NOL9: variants seen among roughly 807,000 people sequenced by gnomAD.
NOL9 encodes nucleolar protein 9, also known as polynucleotide 5'-hydroxyl-kinase NOL9.
Under a neutral mutation model 67.9 loss-of-function variants are expected in NOL9, and 28 were observed. The observed-to-expected ratio is 0.41, with a 90% confidence interval of 0.31 to 0.57. The LOEUF is 0.57. NOL9 is among the 20% of genes least tolerant of loss of function. The pLI is 0.25. For synonymous variants in NOL9, 356 were observed against 352.2 expected, an observed-to-expected ratio of 1.01 and a Z score of -0.12; for missense variants, 777 against 897.0, an observed-to-expected ratio of 0.87 and a Z score of 1.71.
At position 6,532,764 on chromosome 1, in the gene NOL9, TG is replaced by T; in HGVS notation, c.1238-5del. On this transcript the variant is annotated splice_polypyrimidine_tract_variant and splice_region_variant and intron_variant, in intron 7 of 11. Transcript: ENST00000377705. ...ATGAGAAGCAGGAGCCCCTGGTCTG[TG>T]GGGAAGAGACATTAGCACAGCTGAT... 6.2e-7 allele frequency: 1 copy of T among 1,608,678 alleles called. No individual in the cohort carries two copies. The highest frequency in any genetic ancestry group is 8.5e-7 in the Non-Finnish European group (1 of 1,176,580).
Position 6,526,690 on chromosome 1 carries a change from G to A in NOL9, c.1959+6C>T. 1 of 1,608,842 alleles carries A rather than the reference G, an allele frequency of 6.2e-7. No individual in the cohort carries two copies. ...CTTCCAGGGCTGTGCCCGGGGGAAG[G>A]CTCACCTGGCACTTAAGGACACAAT... On this transcript the variant is annotated splice_donor_region_variant and intron_variant, in intron 11 of 11. Coordinates refer to ENST00000377705, the MANE Select transcript of NOL9 (RefSeq NM_024654.5).
intron 5 of NOL9, among the ~76,000 whole-genome samples, chr1:6,543,983 G>A (rs546599767): frequency 3.4e-4 from 52 of 152,184 alleles, no homozygotes; most frequent in Admixed American, 6.5e-4. Flanking sequence ...AAAATTAGCC[G>A]GGTATGGTGG....
chr1:6,546,748 G>GT (rs1471655933), intron 3 of NOL9, among the ~76,000 whole-genome samples: 1 of 152,066 alleles, frequency 6.6e-6, no homozygotes, highest in African/African-American at 2.4e-5. Flanking sequence ...GTTCCAGCAT[G>GT]TTTTTTTCAT....
chr1:6,550,167 G>A (rs1247267676), intron 2 of NOL9, among the ~76,000 whole-genome samples: 1 of 152,106 alleles, frequency 6.6e-6, no homozygotes, highest in Non-Finnish European at 1.5e-5. Flanking sequence ...GAGTAGCTGG[G>A]ACTACAGGCG....
Position 6,554,239 on chromosome 1 carries a change from G to A in NOL9, c.264C>T (p.Ser88=), listed in dbSNP as rs1639615450. 2 of 1,508,172 alleles carry A rather than the reference G, an allele frequency of 1.3e-6. No individual in the cohort carries two copies. Among genetic ancestry groups the A allele is most frequent in the African/African-American group, 1.4e-5 (1 of 69,126 alleles). 93.4% of individuals were successfully genotyped at this position (1,508,172 alleles called of 1,614,324 possible). Residue 88 remains serine, a synonymous_variant, in exon 1 of 12, where the codon AGC becomes AGT. Transcript: ENST00000377705. Reference sequence around the variant, plus strand: ...ACTCGGGTTCGGAGGCCGGGGTCGGGCTAGGGATCGGGCTGGGGGTCGCGG... The same window carrying A: ...ACTCGGGTTCGGAGGCCGGGGTCGGACTAGGGATCGGGCTGGGGGTCGCGG... ...PNTATPSPIP[S]PTPASEPESE...
At chr1:6,527,926 G>A (rs574517548) in intron 10 of NOL9, among the ~76,000 whole-genome samples, 30 of 151,940 alleles carry the variant, frequency 2.0e-4, no homozygotes, top group Non-Finnish European at 3.4e-4. Context: ...GCAAGACTCC[G>A]TCTCGGAAAA....
chr1:6,529,094 G>C lies in NOL9; in HGVS notation c.1725C>G (p.Ala575=). The change falls in exon 10 of 12, where the codon GCC becomes GCG. Residue 575 remains alanine (A), a synonymous_variant. Coordinates refer to ENST00000377705, the MANE Select transcript of NOL9 (RefSeq NM_024654.5). ...GGATCTTGCAAAGACCAACCCAGCTGGCGTTTACAGCATATAGTATATGGG... is the reference window on the plus strand; with the variant it reads ...GGATCTTGCAAAGACCAACCCAGCTCGCGTTTACAGCATATAGTATATGGG... ...APTHILYAVN[A]SWVGLCKIQD... 2 of 1,614,118 alleles carry C rather than the reference G, an allele frequency of 1.2e-6. No individual in the cohort carries two copies. Among genetic ancestry groups the C allele is most frequent in the Non-Finnish European group, 1.7e-6 (2 of 1,180,030 alleles).
rs1639074058 is a variant in NOL9 at position 6,533,228 on chromosome 1, C to T, written c.1237+52G>A. On this transcript the variant is annotated intron_variant, in intron 7 of 11. Coordinates refer to ENST00000377705, the MANE Select transcript of NOL9 (RefSeq NM_024654.5). ...CTTTAACGTGAATGTCTGAAACCAA[C>T]AGTACTCACACTGCCTGTCCTTCCC... 7.3e-6 allele frequency: 11 copies of T among 1,499,402 alleles called. No homozygotes were observed. In the Admixed American group the frequency reaches 2.2e-4, roughly 30 times the overall value. 92.9% of individuals were successfully genotyped at this position (1,499,402 alleles called of 1,614,324 possible).
In NOL9 at chr1:6,541,939, T is replaced by A. The variant is rs1347704249; in HGVS notation, c.978-12A>T. 5 of 1,551,118 alleles carry A rather than the reference T, an allele frequency of 3.2e-6. No individual in the cohort carries two copies. Among genetic ancestry groups the A allele is most frequent in the South Asian group, 2.4e-5 (2 of 82,544 alleles). On this transcript the variant is annotated splice_polypyrimidine_tract_variant and intron_variant, in intron 5 of 11. Coordinates refer to ENST00000377705, the MANE Select transcript of NOL9 (RefSeq NM_024654.5). ...CAACGCAGGGAAGACTGCAAATTTT[T>A]AAAAAAGAAAAAAGAAAGAAAATCC...
intron 10 of NOL9, among the ~76,000 whole-genome samples, chr1:6,528,747 C>T (rs1158407322): frequency 6.6e-6 from 1 of 152,202 alleles, no homozygotes; most frequent in South Asian, 2.1e-4. Context: ...GGAGAAGTGT[C>T]GAGCAAGAAG....
At chr1:6,549,412 C>A (rs1044129670) in intron 3 of NOL9, 159 bp downstream of exon 3, 9 of 740,680 alleles carry the variant, frequency 1.2e-5, no homozygotes, top group Admixed American at 9.4e-5. Context: ...TCACGATACA[C>A]CTTTCTATAA....
chr1:6,526,844 C>A lies in NOL9; in HGVS notation c.1826-15G>T. On this transcript the variant is annotated splice_polypyrimidine_tract_variant and intron_variant, in intron 10 of 11. Coordinates refer to ENST00000377705, the MANE Select transcript of NOL9 (RefSeq NM_024654.5). ...TCTACAGATGCCTTCAAGACACGCG[C>A]ACAACACAAAAATCACCCTTTTGGA... 6.4e-7 allele frequency: 1 copy of A among 1,571,994 alleles called. No homozygotes were observed. The highest frequency in any genetic ancestry group is 8.6e-7 in the Non-Finnish European group (1 of 1,160,974).
At chr1:6,543,472 G>C (rs765073244) in intron 5 of NOL9, among the ~76,000 whole-genome samples, 41 of 152,148 alleles carry the variant, frequency 2.7e-4, no homozygotes, top group Non-Finnish European at 3.2e-4. Context: ...TGGGATTACA[G>C]GCGTGAGCCA....
intron 3 of NOL9, 189 bp downstream of exon 3, chr1:6,549,382 G>A: frequency 1.8e-6 from 1 of 562,936 alleles, no homozygotes. Flanking sequence ...TGAAACTAAG[G>A]AGGGGAGGAT....
At chr1:6,530,385 C>T (rs773546487) in intron 9 of NOL9, among the ~76,000 whole-genome samples, 31 of 152,116 alleles carry the variant, frequency 2.0e-4, no homozygotes, top group African/African-American at 7.2e-4. Flanking sequence ...ACCCGGGAGG[C>T]GGAGGTTGCA....
In NOL9 at chr1:6,532,647, C is replaced by T. The variant is rs1639056176; in HGVS notation, c.1351G>A (p.Asp451Asn). 6.2e-7 allele frequency: 1 copy of T among 1,614,064 alleles called. No homozygotes were observed. Among genetic ancestry groups the T allele is most frequent in the Non-Finnish European group, 8.5e-7 (1 of 1,180,050 alleles). The change falls in exon 8 of 12, where the codon GAT (aspartate) becomes AAT (asparagine). Residue 451 changes from aspartate (D) to asparagine (N), a missense_variant. By Grantham distance (23) the Asp-to-Asn change is conservative (BLOSUM62 1). Transcript: ENST00000377705. The part of the protein sequence containing the change: ...YMPDLTPQYV[D>N]DMDGLYTKSK... ...TTTGTGTACAAGCCATCCATGTCAT[C>T]TACATACTGCGGGGTAAGGTCTGGC... is the stretch of plus-strand genomic sequence containing the variant.
chr1:6,552,437 A>C (rs1484194382), intron 1 of NOL9, among the ~76,000 whole-genome samples: 1 of 152,086 alleles, frequency 6.6e-6, no homozygotes, highest in East Asian at 1.9e-4. Flanking sequence ...GCAGCCTTTT[A>C]AATTTTTTAA....
At chr1:6,553,289 A>G (rs551655481) in intron 1 of NOL9, among the ~76,000 whole-genome samples, 1 of 152,242 alleles carries the variant, frequency 6.6e-6, no homozygotes, top group South Asian at 2.1e-4. Context: ...TCCCTCCTGC[A>G]TTAGACAGGG....
intron 6 of NOL9, among the ~76,000 whole-genome samples, chr1:6,536,073 G>A (rs1455900446): frequency 6.6e-6 from 1 of 152,186 alleles, no homozygotes; most frequent in Non-Finnish European, 1.5e-5. Context: ...TGGGCCGGGT[G>A]CGGTAGCTCA....
Sources: allele counts gnomAD v4.1 joint callset (sites outside exome capture counted in the v4.1 genomes callset), GRCh38; gene constraint gnomAD v4.1.1; transcripts MANE v1.5; gene names NCBI Gene and HGNC (gene_info 2026-07-23, HGNC 2026-07-21).